SP110: variants seen among roughly 807,000 people sequenced by gnomAD.
SP110 encodes the protein interferon-induced protein 41, 30kD.
In SP110, 62 loss-of-function variants were observed where a neutral mutation model predicts 92.7. That is an observed-to-expected ratio of 0.67 (90% confidence interval 0.55 to 0.83). SP110 has a LOEUF of 0.83. Among genes scored for constraint, SP110 ranks in the 40% least tolerant of loss-of-function variants. The pLI is 0.00. For missense variants in SP110, 793 were observed against 863.9 expected (o/e 0.92, Z 1.03); for synonymous variants, 273 against 305.3 (o/e 0.89, Z 1.10).
chr2:230,223,293 C>T (rs2045974545), upstream of SP110, among the ~76,000 whole-genome samples: 1 of 152,168 alleles, frequency 6.6e-6, no homozygotes, highest in Admixed American at 6.5e-5. Context: ...CCTCAGCCTC[C>T]CGAAGTGCTG....
chr2:230,219,849 T>G, intron 1 of SP110, 25 bp downstream of exon 1: 1 of 925,536 alleles, frequency 1.1e-6, no homozygotes, highest in Non-Finnish European at 1.3e-6. Flanking sequence ...GAGCGAAGAA[T>G]AAAGCAGCAA....
chr2:230,204,190 G>A (rs2043499416), intron 8 of SP110, among the ~76,000 whole-genome samples: 1 of 152,220 alleles, frequency 6.6e-6, no homozygotes, highest in South Asian at 2.1e-4. Context: ...GCAGAGAGAT[G>A]TCAAAAGGTC....
intron 17 of SP110, chr2:230,171,414 T>C (rs1274412745): frequency 8.8e-6 from 4 of 454,010 alleles, no homozygotes; most frequent in Admixed American, 3.4e-5. Context: ...TCTTAATCTC[T>C]AGTAGGAAAG....
intron 3 of SP110, chr2:230,213,825 C>G (rs888118997): frequency 3.3e-5 from 5 of 152,322 alleles, no homozygotes; most frequent in Non-Finnish European, 5.9e-5. Context: ...CTTACCATAG[C>G]CTTTAAGGCC....
At chr2:230,200,100 A>G (rs1399255205) in intron 10 of SP110, among the ~76,000 whole-genome samples, 1 of 152,246 alleles carries the variant, frequency 6.6e-6, no homozygotes, top group Non-Finnish European at 1.5e-5. Flanking sequence ...AAGCCAGTGC[A>G]ATATAGGAGA....
intron 10 of SP110, chr2:230,200,318 G>A (rs1170651642): frequency 1.3e-5 from 2 of 155,160 alleles, no homozygotes; most frequent in African/African-American, 4.8e-5. Context: ...CTCCAGAAAT[G>A]TGAATAATGG....
chr2:230,198,435 G>A (rs1470150950), intron 10 of SP110, among the ~76,000 whole-genome samples: 2 of 152,180 alleles, frequency 1.3e-5, no homozygotes, highest in African/African-American at 4.8e-5. Context: ...TGGGCAGGGT[G>A]AGCACTGCTA....
At chr2:230,172,199 C>G (rs375499147) in intron 15 of SP110, 25 bp from the exon 16 acceptor site, 2 of 1,424,962 alleles carry the variant, frequency 1.4e-6, no homozygotes, top group African/African-American at 1.4e-5. Context: ...ACAAGGTGAG[C>G]AGAGGGCAAA....
At chr2:230,187,451 C>T (rs1418618906) in intron 10 of SP110, among the ~76,000 whole-genome samples, 1 of 152,126 alleles carries the variant, frequency 6.6e-6, no homozygotes, top group African/African-American at 2.4e-5. Flanking sequence ...TGTCTGTTTA[C>T]TCTGATGTTT....
In SP110 at chr2:230,166,730, G is replaced by C. The variant is rs2078316080; in HGVS notation, c.*2394C>G. On this transcript the variant is annotated 3_prime_UTR_variant, in exon 19 of 19. Transcript: ENST00000258381. Reference sequence around the variant, plus strand: ...GAGTAAATAATACTGTTGGAGAAGGGAGACACCAATACAGAACCGAGGAAG... The same window carrying C: ...GAGTAAATAATACTGTTGGAGAAGGCAGACACCAATACAGAACCGAGGAAG... 6.6e-6 allele frequency among the ~76,000 whole-genome samples: 1 copy of C among 152,192 alleles called. No individual in the cohort carries two copies. Among genetic ancestry groups the C allele is most frequent in the Non-Finnish European group, 1.5e-5 (1 of 68,026 alleles).
Position 230,208,030 on chromosome 2 carries a change from T to A in SP110, c.859A>T (p.Thr287Ser). Residue 287 changes from threonine (T) to serine (S), a missense_variant, in exon 8 of 19, where the codon ACT becomes TCT. By Grantham distance (58) the Thr-to-Ser change is moderately conservative (BLOSUM62 1). Transcript: ENST00000258381. Reference sequence around the variant, plus strand: ...TTTTTCTTATGTCTCCTTTTTGGAGTTGACCAGATACATCTTTTTCTTTTC... The same window carrying A: ...TTTTTCTTATGTCTCCTTTTTGGAGATGACCAGATACATCTTTTTCTTTTC... ...GKKRKRCIWS[T>S]PKRRHKKKSL... is the part of the protein sequence containing the mutation. 2 of 1,567,468 alleles carry A rather than the reference T, an allele frequency of 1.3e-6. No homozygotes were observed.
intron 1 of SP110, among the ~76,000 whole-genome samples, chr2:230,224,990 G>A (rs2046156561): frequency 6.6e-6 from 1 of 152,044 alleles, no homozygotes; most frequent in African/African-American, 2.4e-5. Flanking sequence ...ATGAGGGCTG[G>A]GTATAAATGA....
intron 10 of SP110, among the ~76,000 whole-genome samples, chr2:230,189,988 A>G (rs912856348): frequency 1.3e-4 from 20 of 152,196 alleles, no homozygotes; most frequent in Non-Finnish European, 2.4e-4. Flanking sequence ...CGTCTTTGCT[A>G]TGGTAAATAC....
upstream of SP110, among the ~76,000 whole-genome samples, chr2:230,223,532 T>A (rs1000008767): frequency 9.2e-5 from 14 of 151,764 alleles, no homozygotes; most frequent in Non-Finnish European, 3.0e-5. Context: ...CAGAGTCAGT[T>A]TGGATTACTT....
chr2:230,170,581 G>C, intron 18 of SP110, 40 bp downstream of exon 18: 1 of 1,613,020 alleles, frequency 6.2e-7, no homozygotes. Context: ...TTAGGGGAAA[G>C]TAGAAAAGAC....
Position 230,211,621 on chromosome 2 carries a change from A to G in SP110, c.668-68T>C, listed in dbSNP as rs150406842. 2.6e-3 allele frequency: 2,445 copies of G among 946,774 alleles called. 31 individuals are homozygous for G. In the African/African-American group the frequency reaches 0.035, roughly 13 times the overall value. The allele number at this position is 946,774 out of a possible 1,614,324, so 58.6% of individuals were successfully genotyped here. On this transcript the variant is annotated intron_variant, in intron 5 of 18. Transcript: ENST00000258381. This position sits in a 1 kb window ranked among gnomAD's most constrained non-coding sequence, Gnocchi z 4.2. ...GCAGGGACCAGAATGAGGAGAAAAG[A>G]GAATGCTCTATTCCAACAAGTAAAA...
intron 10 of SP110, among the ~76,000 whole-genome samples, chr2:230,195,939 A>G (rs992453824): frequency 1.3e-5 from 2 of 152,190 alleles, no homozygotes; most frequent in Non-Finnish European, 2.9e-5. Flanking sequence ...AGCAAAAAAT[A>G]TAAGTTAAAA....
At chr2:230,186,589 CT>C (rs1342076318) in intron 10 of SP110, among the ~76,000 whole-genome samples, 1 of 152,084 alleles carries the variant, frequency 6.6e-6, no homozygotes, top group Non-Finnish European at 1.5e-5. Flanking sequence ...AAATCTGAGA[CT>C]TTAGTGCACT....
chr2:230,200,895 C>G lies in SP110; in HGVS notation c.1119G>C (p.Arg373Ser), dbSNP rs1287144568. ...ATCTCCAAGTTTTACCTTGTGTGAC[C>G]CTTCGTGGTGTACTAGGCGTCTTCT... Reference protein sequence around the residue: ...RSQKTPSTPRRVTQGAASPGH... With the variant: ...RSQKTPSTPRSVTQGAASPGH... The change falls in exon 10 of 19, where the codon AGG (arginine) becomes AGC (serine). Residue 373 changes from arginine to serine, a missense_variant. Transcript: ENST00000258381. 8 of 1,612,302 alleles carry G rather than the reference C, an allele frequency of 5.0e-6. No individual in the cohort carries two copies. The highest frequency in any genetic ancestry group is 6.8e-6 in the Non-Finnish European group (8 of 1,178,438).
Sources: gnomAD v4.1 joint callset for allele counts (sites outside exome capture counted in the v4.1 genomes callset) on GRCh38, gnomAD v4.1.1 for gene constraint, Gnocchi (gnomAD v3.1) non-coding constraint, MANE v1.5 for transcripts, NCBI Gene and HGNC (gene_info 2026-07-23, HGNC 2026-07-21) for gene names.